RSPO3: variants seen among roughly 807,000 people sequenced by gnomAD.
The protein encoded by RSPO3 is R-spondin 3.
RSPO3 carries 17 observed loss-of-function variants against 36.5 expected under a neutral mutation model. That is an observed-to-expected ratio of 0.47 (90% CI 0.32 to 0.70). The LOEUF (loss-of-function observed/expected upper bound fraction) is 0.70. Among genes scored for constraint, RSPO3 ranks in the 30% least tolerant of loss-of-function variants. RSPO3 has a pLI of 0.04. For synonymous variants in RSPO3, 108 were observed against 107.0 expected (o/e 1.01, Z -0.06); for missense variants, 294 against 322.5 (o/e 0.91, Z 0.68).
In RSPO3 at chr6:127,187,303, C is replaced by CTA. The variant is rs1398674244; in HGVS notation, c.635-8519_635-8518dup. On this transcript the variant is annotated intron_variant, in intron 4 of 4. Transcript: ENST00000356698. ...TATTAGTGTTAGGACGCCCCACTGACTAAATTTCTGAAGATAGGTAATAAA... is the reference window on the plus strand; with the variant it reads ...TATTAGTGTTAGGACGCCCCACTGACTATAAATTTCTGAAGATAGGTAATAAA... Among the ~76,000 whole-genome samples the CTA allele has an allele frequency of 6.6e-5, 10 of 152,226 alleles. No homozygotes were observed. In the East Asian group the frequency reaches 1.9e-3, roughly 29 times the overall value.
At chr6:127,171,214 C>A (rs540722658) in intron 4 of RSPO3, among the ~76,000 whole-genome samples, 2 of 151,706 alleles carry the variant, frequency 1.3e-5, no homozygotes, top group Admixed American at 6.6e-5. Flanking sequence ...ATTTGACATT[C>A]CTGTGGACTT....
chr6:127,187,421 A>G (rs575644709), intron 4 of RSPO3, among the ~76,000 whole-genome samples: 2 of 152,312 alleles, frequency 1.3e-5, no homozygotes, highest in African/African-American at 4.8e-5. Context: ...TATTCATCCA[A>G]CAAGCTAGTC....
chr6:127,166,686 G>A, intron 4 of RSPO3, among the ~76,000 whole-genome samples: 1 of 152,040 alleles, frequency 6.6e-6, no homozygotes, highest in Middle Eastern at 3.4e-3. Flanking sequence ...ATAAACCAAA[G>A]ATGTGAATAT....
intron 4 of RSPO3, among the ~76,000 whole-genome samples, chr6:127,171,904 A>T (rs1418065473): frequency 2.6e-5 from 4 of 151,692 alleles, no homozygotes; most frequent in African/African-American, 9.7e-5. Flanking sequence ...AATATTAATA[A>T]ATGGCAGATG....
intron 1 of RSPO3, among the ~76,000 whole-genome samples, chr6:127,123,122 T>C (rs1040723440): frequency 1.3e-5 from 2 of 152,172 alleles, no homozygotes; most frequent in African/African-American, 4.8e-5. Context: ...ACTATTGGAA[T>C]GTACTGGTCA....
chr6:127,180,608 G>A (rs1775165376), intron 4 of RSPO3, among the ~76,000 whole-genome samples: 1 of 149,724 alleles, frequency 6.7e-6, no homozygotes. Context: ...ACATTTGAGA[G>A]ATATGCAAGA....
rs141558102 is a variant in RSPO3, at chr6:127,170,434, T to TACAC, written c.634+15012_634+15015dup. Among the ~76,000 whole-genome samples, 1,401 of 148,734 alleles carry TACAC rather than the reference T, an allele frequency of 9.4e-3. 7 individuals are homozygous for TACAC. The highest frequency in any genetic ancestry group is 0.02 in the African/African-American group (800 of 40,694). ...GAAAACAGCATGGTGGTTCCACACA[T>TACAC]ACACACACACACACACACAAATATA... On this transcript the variant is annotated intron_variant, in intron 4 of 4. Transcript: ENST00000356698.
chr6:127,139,569 AT>A (rs1241980998), intron 1 of RSPO3, among the ~76,000 whole-genome samples: 9 of 151,844 alleles, frequency 5.9e-5, no homozygotes, highest in African/African-American at 1.9e-4. Flanking sequence ...TAGAAAAAAA[AT>A]ATTTCTAACC....
chr6:127,144,748 G>A (rs1244372466), intron 1 of RSPO3, among the ~76,000 whole-genome samples: 2 of 148,320 alleles, frequency 1.3e-5, no homozygotes, highest in Non-Finnish European at 3.0e-5. Context: ...AAGCAGTTAC[G>A]GTAGCTGGGA....
At chr6:127,180,402 CA>C (rs145972769) in intron 4 of RSPO3, among the ~76,000 whole-genome samples, 5,282 of 129,946 alleles carry the variant, frequency 0.041, 116 homozygotes, top group Middle Eastern at 0.073. Flanking sequence ...TAAAAACAAA[CA>C]AAAAACCAAC....
At chr6:127,139,397 T>C (rs1222021597) in intron 1 of RSPO3, among the ~76,000 whole-genome samples, 1 of 151,944 alleles carries the variant, frequency 6.6e-6, no homozygotes, top group Non-Finnish European at 1.5e-5. Flanking sequence ...CAAAGTGGAG[T>C]TTGTTTTTAG....
intron 4 of RSPO3, among the ~76,000 whole-genome samples, chr6:127,182,399 T>C (rs1261814492): frequency 6.6e-6 from 1 of 151,920 alleles, no homozygotes; most frequent in Non-Finnish European, 1.5e-5. Context: ...TTCAAGCTCT[T>C]TACCCCTTTA....
intron 1 of RSPO3, 93 bp downstream of exon 1, chr6:127,119,382 G>A: frequency 1.1e-6 from 1 of 885,100 alleles, no homozygotes; most frequent in Non-Finnish European, 1.9e-6. Flanking sequence ...CAACTGCAGC[G>A]GTCCTCCCGC....
intron 1 of RSPO3, among the ~76,000 whole-genome samples, chr6:127,136,342 G>C (rs139708742): frequency 0.014 from 2,103 of 152,224 alleles, 22 homozygotes; most frequent in South Asian, 0.036. Flanking sequence ...TTGCCCTAAA[G>C]TAAGATGGCT....
At chr6:127,126,967 T>A (rs1412790720) in intron 1 of RSPO3, among the ~76,000 whole-genome samples, 2 of 152,048 alleles carry the variant, frequency 1.3e-5, no homozygotes, top group Non-Finnish European at 1.5e-5. Flanking sequence ...TGGTATTAGA[T>A]CTAGTTACCT....
At position 127,197,240 on chromosome 6, in the gene RSPO3, G is replaced by C; in HGVS notation, c.*1233G>C. ...GAGATTTACTTATAGCGTATTAGGA[G>C]ATATTTATTCCATTTTCTTATTTTA... On this transcript the variant is annotated 3_prime_UTR_variant, in exon 5 of 5. Coordinates refer to ENST00000356698, the MANE Select transcript of RSPO3 (RefSeq NM_032784.5). The C allele has an allele frequency of 1.5e-6, 1 of 679,942 alleles. No individual in the cohort carries two copies. The highest frequency in any genetic ancestry group is 2.4e-6 in the Non-Finnish European group (1 of 417,366). The allele number at this position is 679,942 out of a possible 1,614,324, so 42.1% of individuals were successfully genotyped here. A position where few individuals can be genotyped will look rare whatever the true frequency, so the allele number is the denominator to read the frequency against.
At chr6:127,181,584 T>G (rs930701417) in intron 4 of RSPO3, among the ~76,000 whole-genome samples, 2 of 151,866 alleles carry the variant, frequency 1.3e-5, no homozygotes, top group Non-Finnish European at 2.9e-5. Flanking sequence ...CTCTGCAGTT[T>G]AAAAGTTCCA....
At chr6:127,127,228 A>C (rs545479666) in intron 1 of RSPO3, among the ~76,000 whole-genome samples, 53 of 152,214 alleles carry the variant, frequency 3.5e-4, no homozygotes, top group African/African-American at 1.3e-3. Flanking sequence ...TATGCTCGAT[A>C]AGTTGGTAAG....
chr6:127,120,790 G>C (rs1240808929), intron 1 of RSPO3, among the ~76,000 whole-genome samples: 1 of 152,262 alleles, frequency 6.6e-6, no homozygotes, highest in African/African-American at 2.4e-5. Flanking sequence ...CACCTAGCAG[G>C]GGGCAGGAGA....
Sources: allele counts gnomAD v4.1 joint callset (sites outside exome capture counted in the v4.1 genomes callset), GRCh38; gene constraint gnomAD v4.1.1; transcripts MANE v1.5; gene names NCBI Gene and HGNC (gene_info 2026-07-23, HGNC 2026-07-21).